Variants in FAM168A observed in about 807,000 individuals in gnomAD.
FAM168A encodes protein FAM168A.
A neutral mutation model predicts 28.5 loss-of-function variants in FAM168A; 3 were observed. The observed-to-expected ratio is 0.11, with a 90% CI of 0.05 to 0.27. The LOEUF is 0.27. Ranked by LOEUF, FAM168A falls within the 10% of genes least tolerant of loss-of-function variation. FAM168A has a pLI of 1.00. For synonymous variants in FAM168A, 122 were observed against 124.2 expected (o/e 0.98, Z 0.12); for missense variants, 222 against 311.5 (o/e 0.71, Z 2.16).
chr11:73,480,036 A>G (rs1038920341), intron 1 of FAM168A, among the ~76,000 whole-genome samples: 8 of 152,224 alleles, frequency 5.3e-5, no homozygotes, highest in Non-Finnish European at 1.0e-4. Flanking sequence ...GCCAAATATA[A>G]TCAGACAACA....
intron 1 of FAM168A, among the ~76,000 whole-genome samples, chr11:73,468,932 G>A (rs1198735674): frequency 2.0e-5 from 3 of 152,152 alleles, no homozygotes; most frequent in Admixed American, 6.5e-5. Context: ...AGCTTTCTAC[G>A]GTTCACTAGA....
At chr11:73,473,314 C>T (rs1213349644) in intron 1 of FAM168A, among the ~76,000 whole-genome samples, 1 of 152,156 alleles carries the variant, frequency 6.6e-6, no homozygotes, top group Non-Finnish European at 1.5e-5. Flanking sequence ...GATGAGGCTT[C>T]CAGGCTCTCT....
chr11:73,551,738 G>A (rs1286117069), intron 1 of FAM168A, among the ~76,000 whole-genome samples: 1 of 152,200 alleles, frequency 6.6e-6, no homozygotes, highest in Non-Finnish European at 1.5e-5. Context: ...GGCAACACCA[G>A]GTTGCAAATT....
chr11:73,417,706 C>T (rs965590687), intron 4 of FAM168A, among the ~76,000 whole-genome samples: 3 of 151,980 alleles, frequency 2.0e-5, no homozygotes, highest in Admixed American at 6.6e-5. Flanking sequence ...ACTACAGGCA[C>T]CCGCCACCAT....
chr11:73,480,719 CA>C (rs1194294473), intron 1 of FAM168A, among the ~76,000 whole-genome samples: 1 of 148,334 alleles, frequency 6.7e-6, no homozygotes, highest in Non-Finnish European at 1.5e-5. Flanking sequence ...AACAAACAAA[CA>C]AACAACAACA....
intron 1 of FAM168A, among the ~76,000 whole-genome samples, chr11:73,494,141 T>G (rs1249594205): frequency 6.6e-6 from 1 of 152,170 alleles, no homozygotes; most frequent in Non-Finnish European, 1.5e-5. Context: ...TATGTACATA[T>G]ACATGTACAT....
intron 2 of FAM168A, among the ~76,000 whole-genome samples, chr11:73,448,093 GGT>G (rs1308211815): frequency 6.6e-6 from 1 of 152,166 alleles, no homozygotes; most frequent in Non-Finnish European, 1.5e-5. Flanking sequence ...CTGTTGCCAG[GGT>G]GGAGTACAGT....
intron 2 of FAM168A, among the ~76,000 whole-genome samples, chr11:73,465,217 G>C (rs1867716099): frequency 6.7e-6 from 1 of 149,256 alleles, no homozygotes; most frequent in African/African-American, 2.5e-5. Flanking sequence ...CCAGATTTCA[G>C]CAGAGATCTG....
intron 1 of FAM168A, among the ~76,000 whole-genome samples, chr11:73,493,230 G>T (rs963213061): frequency 6.6e-6 from 1 of 152,008 alleles, no homozygotes; most frequent in South Asian, 2.1e-4. Context: ...GACAAAATGA[G>T]AGAAGTAGCT....
At position 73,406,041 on chromosome 11, in the gene FAM168A, C is replaced by G. The variant is rs918508299; in HGVS notation, c.*722G>C. 2 of 152,594 alleles carry G rather than the reference C, an allele frequency of 1.3e-5. No individual in the cohort carries two copies. The highest frequency in any genetic ancestry group is 2.9e-5 in the Non-Finnish European group (2 of 68,066). The allele number at this position is 152,594 out of a possible 1,614,324, so 9.5% of individuals were successfully genotyped here. A position where few individuals can be genotyped will look rare whatever the true frequency, so the allele number is the denominator to read the frequency against. ...AGGGCCAGATGCTTTGGCCAGAGACCTTTCAAACCAAAGCCATGAGGCAAG... is the reference window on the plus strand; with the variant it reads ...AGGGCCAGATGCTTTGGCCAGAGACGTTTCAAACCAAAGCCATGAGGCAAG... On this transcript the variant is annotated 3_prime_UTR_variant, in exon 8 of 8. Transcript: ENST00000356467.
At chr11:73,575,631 A>G (rs557829891) in intron 1 of FAM168A, among the ~76,000 whole-genome samples, 249 of 152,274 alleles carry the variant, frequency 1.6e-3, no homozygotes, top group African/African-American at 5.7e-3. Flanking sequence ...GCACTTTGGG[A>G]GGCTGAGGCA....
At chr11:73,555,139 A>G (rs1336474141) in intron 1 of FAM168A, among the ~76,000 whole-genome samples, 1 of 152,226 alleles carries the variant, frequency 6.6e-6, no homozygotes, top group Non-Finnish European at 1.5e-5. Context: ...GCCTTGGGAA[A>G]TGACATGTAT....
chr11:73,526,293 A>C (rs1448539925), intron 1 of FAM168A, among the ~76,000 whole-genome samples: 2 of 152,194 alleles, frequency 1.3e-5, no homozygotes, highest in Non-Finnish European at 2.9e-5. Context: ...TAAAACAATG[A>C]GATATTTTTC....
intron 2 of FAM168A, chr11:73,452,151 C>CCA (rs1867442248): frequency 6.6e-6 from 1 of 152,250 alleles, no homozygotes; most frequent in African/African-American, 2.4e-5. Flanking sequence ...AGCTCTCTGG[C>CCA]CACACCCACT....
At chr11:73,420,579 C>T (rs1393656647) in intron 3 of FAM168A, among the ~76,000 whole-genome samples, 1 of 152,228 alleles carries the variant, frequency 6.6e-6, no homozygotes, top group Non-Finnish European at 1.5e-5. Flanking sequence ...GCCAGTGGGG[C>T]ACTCCTTGCT....
chr11:73,423,440 T>G (rs916688206), intron 3 of FAM168A, among the ~76,000 whole-genome samples: 1 of 152,188 alleles, frequency 6.6e-6, no homozygotes, highest in African/African-American at 2.4e-5. Context: ...CCCACCATGA[T>G]CATCTTGTCC....
intron 1 of FAM168A, among the ~76,000 whole-genome samples, chr11:73,525,715 T>C (rs1482286974): frequency 1.3e-5 from 2 of 152,228 alleles, no homozygotes; most frequent in African/African-American, 4.8e-5. Context: ...TTTTCTGCTT[T>C]CTGCAACTTG....
intron 1 of FAM168A, among the ~76,000 whole-genome samples, chr11:73,588,879 C>T (rs975228265): frequency 2.6e-5 from 4 of 152,104 alleles, no homozygotes; most frequent in African/African-American, 7.2e-5. Context: ...GGAATGAGTG[C>T]CTTCAAAAAG....
At chr11:73,498,955 G>C (rs993784870) in intron 1 of FAM168A, among the ~76,000 whole-genome samples, 6 of 152,238 alleles carry the variant, frequency 3.9e-5, no homozygotes, top group African/African-American at 1.4e-4. Flanking sequence ...GAGGAATCTG[G>C]GCAGCCCAGA....
Sources: gnomAD v4.1 joint callset for allele counts (sites outside exome capture counted in the v4.1 genomes callset) on GRCh38, gnomAD v4.1.1 for gene constraint, MANE v1.5 for transcripts, NCBI Gene and HGNC (gene_info 2026-07-23, HGNC 2026-07-21) for gene names.